The following SHISA9 variants were observed in gnomAD, a reference collection of about 807,000 sequenced individuals.
SHISA9 encodes the protein protein shisa-9.
SHISA9 carries 13 observed loss-of-function variants against 38.0 expected under a neutral mutation model. The observed-to-expected ratio is 0.34, with a 90% CI of 0.22 to 0.54. The LOEUF (loss-of-function observed/expected upper bound fraction) is 0.54, where lower values mean the gene tolerates loss of function less well. Ranked by LOEUF, SHISA9 falls within the 20% of genes least tolerant of loss-of-function variation. The pLI, the probability that SHISA9 is intolerant of heterozygous loss-of-function variation, is 0.91. For synonymous variants in SHISA9, 275 were observed against 242.0 expected (o/e 1.14, Z -1.27); for missense variants, 538 against 575.8 (o/e 0.93, Z 0.67).
chr16:13,012,049 C>T lies in SHISA9; in HGVS notation c.691+95234C>T, dbSNP rs564634717. ...CCATGTTGGCCAGGCTTGTCTCGAA[C>T]TCCTGACCTCATGTGATCCACCCAC... On this transcript the variant is annotated intron_variant, in intron 2 of 4. Coordinates refer to ENST00000558583, the MANE Select transcript of SHISA9 (RefSeq NM_001145204.3). 3.3e-5 allele frequency among the ~76,000 whole-genome samples: 5 copies of T among 151,964 alleles called. No individual in the cohort carries two copies. In the East Asian group the frequency reaches 7.8e-4, roughly 24 times the overall value.
chr16:13,053,587 C>G (rs931668520), intron 2 of SHISA9, among the ~76,000 whole-genome samples: 2 of 152,158 alleles, frequency 1.3e-5, no homozygotes, highest in African/African-American at 2.4e-5. Flanking sequence ...CCATCACCTA[C>G]CACCTCTCTC....
intron 2 of SHISA9, among the ~76,000 whole-genome samples, chr16:13,015,408 G>A (rs981811154): frequency 1.3e-5 from 2 of 152,214 alleles, no homozygotes; most frequent in African/African-American, 4.8e-5. Context: ...CAGATGAGAA[G>A]GTCAAAGCTC....
the SHISA9 span, among the ~76,000 whole-genome samples, chr16:13,456,131 A>G: frequency 1.3e-5 from 2 of 152,222 alleles, no homozygotes; most frequent in Non-Finnish European, 2.9e-5. Flanking sequence ...ATCAAATGGA[A>G]TTGAAATCTG....
At chr16:13,244,543 A>G (rs1230764397), downstream of SHISA9, among the ~76,000 whole-genome samples, 1 of 152,210 alleles carries the variant, frequency 6.6e-6, no homozygotes, top group African/African-American at 2.4e-5. Context: ...ACACAGTGTT[A>G]TATATTTGTA....
At chr16:13,502,734 A>C in the SHISA9 span, among the ~76,000 whole-genome samples, 2 of 151,960 alleles carry the variant, frequency 1.3e-5, no homozygotes, top group Middle Eastern at 3.2e-3. Context: ...ACAATTAGCC[A>C]GGCGTGGTGG....
At chr16:13,370,605 C>G in the SHISA9 span, among the ~76,000 whole-genome samples, 4 of 152,154 alleles carry the variant, frequency 2.6e-5, no homozygotes, top group Non-Finnish European at 4.4e-5. Flanking sequence ...GAAATGAGAG[C>G]TTTCCAAACA....
At chr16:13,382,418 C>T in the SHISA9 span, among the ~76,000 whole-genome samples, 1 of 150,410 alleles carries the variant, frequency 6.6e-6, no homozygotes, top group Admixed American at 6.7e-5. Flanking sequence ...ATCCCAGCCA[C>T]TTGGGAGCCT....
the SHISA9 span, among the ~76,000 whole-genome samples, chr16:13,366,907 C>T: frequency 2.0e-5 from 3 of 148,650 alleles, no homozygotes; most frequent in African/African-American, 5.0e-5. Flanking sequence ...CACTTGAACC[C>T]GGGAGGTGGA....
intron 2 of SHISA9, among the ~76,000 whole-genome samples, chr16:13,019,772 CTTTCTTTCTTTCTT>C (rs1272351499): frequency 2.5e-3 from 147 of 59,278 alleles, no homozygotes; most frequent in African/African-American, 0.01. Context: ...TCTTTTCTTT[CTTTCTTTCTTTCTT>C]TCTTTCTTTC....
At chr16:13,362,520 G>C in the SHISA9 span, among the ~76,000 whole-genome samples, 10 of 152,184 alleles carry the variant, frequency 6.6e-5, no homozygotes, top group Non-Finnish European at 1.5e-5. Flanking sequence ...TATTGAGAAA[G>C]ATGGCATCTG....
intron 2 of SHISA9, among the ~76,000 whole-genome samples, chr16:13,107,498 CACACACA>C: frequency 6.9e-6 from 1 of 144,446 alleles, no homozygotes. Flanking sequence ...CACACACACA[CACACACA>C]CACACACACA....
In SHISA9 at chr16:12,966,298, A is replaced by T. The variant is rs554008305; in HGVS notation, c.691+49483A>T. Among the ~76,000 whole-genome samples the T allele has an allele frequency of 8.8e-4, 134 of 152,146 alleles. 1 individual carries two copies. Among genetic ancestry groups the T allele is most frequent in the Middle Eastern group, 3.4e-3 (1 of 294 alleles). ...CCCTTGGCCTTTAAGACCAAGCTCC[A>T]GTGCTATCTCCTTCCTGGATCTTCC... On this transcript the variant is annotated intron_variant, in intron 2 of 4. Coordinates refer to ENST00000558583, the MANE Select transcript of SHISA9 (RefSeq NM_001145204.3).
the SHISA9 span, among the ~76,000 whole-genome samples, chr16:13,254,638 G>A: frequency 6.6e-6 from 1 of 152,308 alleles, no homozygotes; most frequent in African/African-American, 2.4e-5. Flanking sequence ...TCCAGAAAGG[G>A]GCCTCTTGGC....
the SHISA9 span, among the ~76,000 whole-genome samples, chr16:13,488,515 TTACTG>T: frequency 1.3e-5 from 2 of 152,210 alleles, no homozygotes; most frequent in African/African-American, 4.8e-5. Context: ...TATTCTCTTT[TTACTG>T]TACTGTTTCT....
chr16:13,405,611 C>T, the SHISA9 span, among the ~76,000 whole-genome samples: 1 of 152,144 alleles, frequency 6.6e-6, no homozygotes, highest in Non-Finnish European at 1.5e-5. Flanking sequence ...GTTAGTTTTT[C>T]AGCCCTTGTC....
the SHISA9 span, among the ~76,000 whole-genome samples, chr16:13,513,946 T>A: frequency 6.6e-6 from 1 of 152,218 alleles, no homozygotes; most frequent in East Asian, 1.9e-4. Context: ...TATACCTATG[T>A]AACAAACCTG....
At chr16:13,107,085 C>G (rs1200415650) in intron 2 of SHISA9, among the ~76,000 whole-genome samples, 3 of 151,776 alleles carry the variant, frequency 2.0e-5, no homozygotes, top group African/African-American at 7.3e-5. Context: ...AAATGGTGAG[C>G]TTTGCGTTTA....
At chr16:13,356,815 G>A in the SHISA9 span, among the ~76,000 whole-genome samples, 44 of 152,186 alleles carry the variant, frequency 2.9e-4, no homozygotes, top group Admixed American at 1.3e-3. Flanking sequence ...ACCTCAGACC[G>A]TTTGCCTATT....
the SHISA9 span, among the ~76,000 whole-genome samples, chr16:13,535,916 T>C: frequency 3.9e-5 from 6 of 152,168 alleles, no homozygotes; most frequent in Non-Finnish European, 8.8e-5. Flanking sequence ...CTATAACTTT[T>C]CTTCTTACTC....
Sources: gnomAD v4.1 joint callset for allele counts (sites outside exome capture counted in the v4.1 genomes callset) on GRCh38, gnomAD v4.1.1 for gene constraint, MANE v1.5 for transcripts, NCBI Gene and HGNC (gene_info 2026-07-23, HGNC 2026-07-21) for gene names.